Variants in RASSF8 observed in about 807,000 individuals in gnomAD.
The protein encoded by RASSF8 is ras association domain-containing protein 8.
A neutral mutation model predicts 48.5 loss-of-function variants in RASSF8; 22 were observed. That is an observed-to-expected ratio of 0.45 (90% CI 0.32 to 0.65). The LOEUF is 0.65. Among genes scored for constraint, RASSF8 ranks in the 30% least tolerant of loss-of-function variants. The probability of loss-of-function intolerance (pLI) is 0.03; values close to 1 mark genes in which losing one functional copy is unlikely to be tolerated. For synonymous variants in RASSF8, 127 were observed against 171.5 expected (o/e 0.74, Z 2.03); for missense variants, 418 against 489.2 (o/e 0.85, Z 1.37).
intron 2 of RASSF8, among the ~76,000 whole-genome samples, chr12:26,044,893 A>G (rs1477863776): frequency 6.6e-6 from 1 of 150,740 alleles, no homozygotes; most frequent in African/African-American, 2.4e-5. Context: ...GAGTATGAAG[A>G]ATAAAGTATA....
At chr12:25,966,014 T>C (rs1034149004) in intron 1 of RASSF8, among the ~76,000 whole-genome samples, 1 of 152,248 alleles carries the variant, frequency 6.6e-6, no homozygotes, top group Non-Finnish European at 1.5e-5. Flanking sequence ...AAGTATTGTA[T>C]AGACATATAC....
In RASSF8 at chr12:26,070,582, G is replaced by T; in HGVS notation, c.*1764G>T. Reference sequence around the variant, plus strand: ...TGTACACATTTGCTCACAATTTATAGTAGTTATTTTCTATCTACCTATATT... The same window carrying T: ...TGTACACATTTGCTCACAATTTATATTAGTTATTTTCTATCTACCTATATT... On this transcript the variant is annotated 3_prime_UTR_variant, in exon 6 of 6. Coordinates refer to ENST00000689635, the MANE Select transcript of RASSF8 (RefSeq NM_001394098.1). 1 of 971,880 alleles carries T rather than the reference G, an allele frequency of 1.0e-6. No homozygotes were observed. Among genetic ancestry groups the T allele is most frequent in the South Asian group, 4.8e-5 (1 of 20,986 alleles). The allele number at this position is 971,880 out of a possible 1,614,324, so 60.2% of individuals were successfully genotyped here.
intron 1 of RASSF8, among the ~76,000 whole-genome samples, chr12:25,984,765 C>T (rs1941832818): frequency 6.6e-6 from 1 of 152,180 alleles, no homozygotes; most frequent in Admixed American, 6.5e-5. Context: ...ACTTTTTCTT[C>T]TTAAAATTGT....
In RASSF8 at chr12:26,069,986, A is replaced by C. The variant is rs915768970; in HGVS notation, c.*1168A>C. ...TCTCCATTTGTACATATGTTATTTTATTTGTAAAACCAAATATGACTCAAC... is the reference window on the plus strand; with the variant it reads ...TCTCCATTTGTACATATGTTATTTTCTTTGTAAAACCAAATATGACTCAAC... On this transcript the variant is annotated 3_prime_UTR_variant, in exon 6 of 6. Transcript: ENST00000689635. The C allele has an allele frequency of 4.1e-6, 4 of 975,330 alleles. No homozygotes were observed. In the African/African-American group the frequency reaches 7.0e-5, roughly 17 times the overall value. The allele number at this position is 975,330 out of a possible 1,614,324, so 60.4% of individuals were successfully genotyped here. A position where few individuals can be genotyped will look rare whatever the true frequency, so the allele number is the denominator to read the frequency against.
At chr12:26,029,290 C>T (rs1942980114) in intron 2 of RASSF8, among the ~76,000 whole-genome samples, 1 of 152,156 alleles carries the variant, frequency 6.6e-6, no homozygotes, top group Non-Finnish European at 1.5e-5. Context: ...TATGTTTTAG[C>T]TGGGGAAAGA....
intron 2 of RASSF8, among the ~76,000 whole-genome samples, chr12:26,041,310 A>G (rs1398026478): frequency 6.6e-6 from 1 of 152,178 alleles, no homozygotes; most frequent in Non-Finnish European, 1.5e-5. Context: ...TAATATATAC[A>G]GCTTTTAGAG....
intron 2 of RASSF8, among the ~76,000 whole-genome samples, chr12:26,008,649 G>A (rs1011655973): frequency 2.6e-5 from 4 of 152,166 alleles, no homozygotes; most frequent in Non-Finnish European, 4.4e-5. Context: ...ATTTCTTATA[G>A]TAATATTTGT....
At position 26,015,392 on chromosome 12, in the gene RASSF8, C is replaced by T. The variant is rs1486770071; in HGVS notation, c.-109+20262C>T. On this transcript the variant is annotated intron_variant, in intron 2 of 5. Transcript: ENST00000689635. ...AATCAATTATCGTTCCTGCCTGCTG[C>T]TTAGCGTTTACGTTTCTAGAAAATG... is the stretch of plus-strand genomic sequence containing the variant. Among the ~76,000 whole-genome samples, 11 of 152,266 alleles carry T rather than the reference C, an allele frequency of 7.2e-5. No individual in the cohort carries two copies. In the East Asian group the frequency reaches 2.1e-3, roughly 29 times the overall value.
chr12:26,072,603 A>G lies in RASSF8; in HGVS notation c.*3785A>G, dbSNP rs931657761. ...GATAGCCCTAAATGTATTTCTCAATATGTTTTTCTTTATTGACCCTAGGAG... is the reference window on the plus strand; with the variant it reads ...GATAGCCCTAAATGTATTTCTCAATGTGTTTTTCTTTATTGACCCTAGGAG... On this transcript the variant is annotated 3_prime_UTR_variant, in exon 6 of 6. Transcript: ENST00000689635. The G allele has an allele frequency of 3.7e-5, 36 of 985,214 alleles. No homozygotes were observed. The African/African-American group carries it at 5.9e-4, about 16-fold the overall frequency. The allele number at this position is 985,214 out of a possible 1,614,324, so 61.0% of individuals were successfully genotyped here.
intron 2 of RASSF8, among the ~76,000 whole-genome samples, chr12:26,019,614 T>C (rs1294213716): frequency 6.6e-6 from 1 of 151,238 alleles, no homozygotes; most frequent in Non-Finnish European, 1.5e-5. Context: ...TCTGTGTGTG[T>C]CTGTGTGTAT....
chr12:26,038,946 T>C (rs181942522), intron 2 of RASSF8, among the ~76,000 whole-genome samples: 119 of 152,364 alleles, frequency 7.8e-4, no homozygotes, highest in African/African-American at 2.8e-3. Context: ...TTTTCCCTTA[T>C]TTTTCTAGAA....
intron 2 of RASSF8, among the ~76,000 whole-genome samples, chr12:26,049,463 C>G (rs1370155999): frequency 6.6e-6 from 1 of 152,114 alleles, no homozygotes; most frequent in African/African-American, 2.4e-5. Context: ...AAAATTAACC[C>G]AAATTGTTAA....
chr12:25,973,410 A>G (rs996318279), intron 1 of RASSF8, among the ~76,000 whole-genome samples: 1 of 152,164 alleles, frequency 6.6e-6, no homozygotes, highest in African/African-American at 2.4e-5. Flanking sequence ...TCATGGGACC[A>G]TGGACACATC....
At chr12:26,078,411 C>T (rs1337322085) in intron 5 of RASSF8, among the ~76,000 whole-genome samples, 1 of 152,116 alleles carries the variant, frequency 6.6e-6, no homozygotes, top group Admixed American at 6.5e-5. Flanking sequence ...GGCCACATAA[C>T]CCACATCAGG....
chr12:26,029,517 A>G (rs1350870150), intron 2 of RASSF8, among the ~76,000 whole-genome samples: 1 of 152,214 alleles, frequency 6.6e-6, no homozygotes, highest in African/African-American at 2.4e-5. Flanking sequence ...TTTATAATGT[A>G]CTATATATTC....
chr12:26,063,429 ACT>A (rs1943791631), intron 3 of RASSF8, among the ~76,000 whole-genome samples: 1 of 151,432 alleles, frequency 6.6e-6, no homozygotes, highest in African/African-American at 2.4e-5. Flanking sequence ...ACAGAGTCTT[ACT>A]CTGTCACCCA....
At position 26,072,224 on chromosome 12, in the gene RASSF8, A is replaced by T. The variant is rs1944014208; in HGVS notation, c.*3406A>T. Reference sequence around the variant, plus strand: ...GTGTTAAAATTAGCTTATAATTATTACTTTTGTATTGTGTTCAGTTTTTTA... The same window carrying T: ...GTGTTAAAATTAGCTTATAATTATTTCTTTTGTATTGTGTTCAGTTTTTTA... On this transcript the variant is annotated 3_prime_UTR_variant, in exon 6 of 6. Coordinates refer to ENST00000689635, the MANE Select transcript of RASSF8 (RefSeq NM_001394098.1). The T allele has an allele frequency of 1.0e-6, 1 of 970,896 alleles. No individual in the cohort carries two copies. The highest frequency in any genetic ancestry group is 6.2e-5 in the Admixed American group (1 of 16,222). The allele number at this position is 970,896 out of a possible 1,614,324, so 60.1% of individuals were successfully genotyped here.
chr12:25,992,197 C>T (rs911136569), intron 1 of RASSF8, among the ~76,000 whole-genome samples: 1 of 152,198 alleles, frequency 6.6e-6, no homozygotes, highest in Non-Finnish European at 1.5e-5. Context: ...CTTCAGCAGA[C>T]ATTTATTGAG....
At chr12:26,063,904 G>A (rs1435587647) in intron 3 of RASSF8, among the ~76,000 whole-genome samples, 3 of 152,050 alleles carry the variant, frequency 2.0e-5, no homozygotes, top group Non-Finnish European at 2.9e-5. Flanking sequence ...CTGTGTGAGC[G>A]ATGGGTTGGT....
Sources: gnomAD v4.1 joint callset for allele counts (sites outside exome capture counted in the v4.1 genomes callset) on GRCh38, gnomAD v4.1.1 for gene constraint, MANE v1.5 for transcripts, NCBI Gene and HGNC (gene_info 2026-07-23, HGNC 2026-07-21) for gene names.